Variants in TENM4 observed in about 807,000 individuals in gnomAD.
The protein encoded by TENM4 is teneurin transmembrane protein 4, also known as teneurin-4.
In TENM4, 82 loss-of-function variants were observed where a neutral mutation model predicts 243.3. The ratio of observed to expected loss-of-function variants is 0.34; its 90% CI spans 0.28 to 0.40. TENM4 has a LOEUF of 0.40. Among genes scored for constraint, TENM4 ranks in the 10% least tolerant of loss-of-function variants. TENM4 has a pLI of 1.00. For missense variants in TENM4, 3,138 were observed against 3,673.3 expected, an observed-to-expected ratio of 0.85 and a Z score of 3.77; for synonymous variants, 1,412 against 1,456.3, an observed-to-expected ratio of 0.97 and a Z score of 0.69.
intron 18 of TENM4, among the ~76,000 whole-genome samples, chr11:78,758,418 G>A (rs988683224): frequency 3.3e-5 from 5 of 152,210 alleles, no homozygotes; most frequent in African/African-American, 1.2e-4. Context: ...GCTATGGTAG[G>A]AGGACCATGA....
intron 6 of TENM4, among the ~76,000 whole-genome samples, chr11:78,974,222 A>G (rs1257520364): frequency 6.6e-6 from 1 of 152,204 alleles, no homozygotes; most frequent in Non-Finnish European, 1.5e-5. Flanking sequence ...TACTCACTAC[A>G]TATTACAACC....
chr11:79,416,230 G>A (rs1361662521), intron 1 of TENM4, among the ~76,000 whole-genome samples: 4 of 152,128 alleles, frequency 2.6e-5, no homozygotes, highest in South Asian at 4.1e-4. Context: ...ATCTCAATAC[G>A]CTTTCACTTC....
intron 6 of TENM4, among the ~76,000 whole-genome samples, chr11:78,944,745 G>A (rs1344661253): frequency 6.6e-6 from 1 of 152,156 alleles, no homozygotes; most frequent in Non-Finnish European, 1.5e-5. Context: ...GCTAGGTACT[G>A]GGCTAAGAGC....
intron 6 of TENM4, among the ~76,000 whole-genome samples, chr11:79,019,521 A>G (rs569599285): frequency 2.6e-5 from 4 of 152,182 alleles, no homozygotes; most frequent in Non-Finnish European, 5.9e-5. Flanking sequence ...TCAGGTTTCT[A>G]TTTGAATGTC....
chr11:79,008,136 T>G (rs1484185099), intron 6 of TENM4, among the ~76,000 whole-genome samples: 1 of 152,178 alleles, frequency 6.6e-6, no homozygotes, highest in Non-Finnish European at 1.5e-5. Context: ...CATTAGAGAA[T>G]GTCCCCAGGA....
At chr11:79,323,111 C>T (rs1856918375) in intron 1 of TENM4, among the ~76,000 whole-genome samples, 1 of 152,172 alleles carries the variant, frequency 6.6e-6, no homozygotes, top group Non-Finnish European at 1.5e-5. Flanking sequence ...GTTAATGTTT[C>T]CACAAAGCAC....
chr11:79,342,628 A>T (rs77659262), intron 1 of TENM4, among the ~76,000 whole-genome samples: 2,321 of 152,300 alleles, frequency 0.015, 54 homozygotes, highest in Middle Eastern at 0.024. Context: ...GGGGAGTTCT[A>T]CAAAATCCCA....
At chr11:79,276,898 C>T (rs1242799792) in intron 2 of TENM4, among the ~76,000 whole-genome samples, 2 of 152,130 alleles carry the variant, frequency 1.3e-5, no homozygotes, top group African/African-American at 4.8e-5. Flanking sequence ...GGCAATAACC[C>T]CTTCCCCCAT....
intron 31 of TENM4, among the ~76,000 whole-genome samples, chr11:78,670,867 T>C (rs1858306853): frequency 6.6e-6 from 1 of 152,198 alleles, no homozygotes; most frequent in Admixed American, 6.5e-5. Flanking sequence ...GTGAGCAGCC[T>C]CGTGGGTTTG....
intron 7 of TENM4, among the ~76,000 whole-genome samples, chr11:78,892,102 C>T (rs563531312): frequency 1.4e-4 from 22 of 152,268 alleles, no homozygotes; most frequent in Admixed American, 2.0e-4. Context: ...TGGAGCTCCA[C>T]GGAAGACAAA....
At position 78,760,533 on chromosome 11, in the gene TENM4, A is replaced by G. The variant is rs1029809663; in HGVS notation, c.2540-3512T>C. Among the ~76,000 whole-genome samples, 3 of 152,358 alleles carry G rather than the reference A, an allele frequency of 2.0e-5. No homozygotes were observed. The East Asian group carries it at 5.8e-4, about 29-fold the overall frequency. ...AACTTCCCTTGGATGTCTTGTGACA[A>G]TGAGACAAACATTTTCTAGAGAGGA... On this transcript the variant is annotated intron_variant, in intron 18 of 33. Coordinates refer to ENST00000278550, the MANE Select transcript of TENM4 (RefSeq NM_001098816.3).
intron 30 of TENM4, among the ~76,000 whole-genome samples, chr11:78,675,709 A>G (rs1858450609): frequency 6.6e-6 from 1 of 152,378 alleles, no homozygotes; most frequent in Non-Finnish European, 1.5e-5. Context: ...TGCTAGCAAT[A>G]GTAATAGCAA....
chr11:79,347,818 A>C (rs1393860539), intron 1 of TENM4, among the ~76,000 whole-genome samples: 1 of 123,132 alleles, frequency 8.1e-6, no homozygotes. Context: ...TGTCGCCCAG[A>C]CCGGACTGCG....
At position 78,669,600 on chromosome 11, in the gene TENM4, C is replaced by T. The variant is rs186319631; in HGVS notation, c.6745G>A (p.Gly2249Ser). ...YDIRDRITRL[G>S]DVQYKMDEDG... ...TCATCCATCTTGTATTGCACGTCAC[C>T]CAGCCGAGTGATGCGGTCGCGGATG... is the stretch of plus-strand genomic sequence containing the variant. Residue 2249 changes from glycine to serine, a missense_variant, in exon 32 of 34, where the codon GGT (glycine) becomes AGT (serine). By Grantham distance (56) the Gly-to-Ser change is moderately conservative (BLOSUM62 0). Coordinates refer to ENST00000278550, the MANE Select transcript of TENM4 (RefSeq NM_001098816.3). This position sits in a 1 kb window ranked among gnomAD's most constrained non-coding sequence, Gnocchi z 6.4. The T allele has an allele frequency of 1.0e-4, 162 of 1,613,942 alleles. No homozygotes were observed. The highest frequency in any genetic ancestry group is 1.3e-4 in the Non-Finnish European group (157 of 1,179,888).
At chr11:79,040,707 A>G (rs1859500866) in intron 6 of TENM4, among the ~76,000 whole-genome samples, 1 of 152,154 alleles carries the variant, frequency 6.6e-6, no homozygotes, top group African/African-American at 2.4e-5. Context: ...GCCAAGCTCA[A>G]GGCAAGTCAC....
chr11:78,671,994 G>C, intron 31 of TENM4, 39 bp downstream of exon 31: 2 of 1,580,994 alleles, frequency 1.3e-6, no homozygotes, highest in Non-Finnish European at 1.7e-6. Context: ...TTGGCCTTCT[G>C]TATGGCAAGG....
intron 6 of TENM4, among the ~76,000 whole-genome samples, chr11:78,905,499 G>A (rs1379466693): frequency 6.6e-6 from 1 of 152,180 alleles, no homozygotes; most frequent in Non-Finnish European, 1.5e-5. Flanking sequence ...GCCCACACCT[G>A]GCTTATTAAT....
At chr11:79,203,537 A>C (rs1863789567) in intron 3 of TENM4, among the ~76,000 whole-genome samples, 1 of 152,236 alleles carries the variant, frequency 6.6e-6, no homozygotes, top group Non-Finnish European at 1.5e-5. Flanking sequence ...ATACATATCT[A>C]TAATAAAGTT....
chr11:78,668,765 C>T (rs1026360988), intron 32 of TENM4, among the ~76,000 whole-genome samples, 172 bp downstream of exon 32: 1 of 152,128 alleles, frequency 6.6e-6, no homozygotes, highest in African/African-American at 2.4e-5. Context: ...ACCATTTTTC[C>T]AGAGTATTTT....
Sources: allele counts gnomAD v4.1 joint callset (sites outside exome capture counted in the v4.1 genomes callset), GRCh38; gene constraint gnomAD v4.1.1; non-coding constraint Gnocchi (gnomAD v3.1); transcripts MANE v1.5; gene names NCBI Gene and HGNC (gene_info 2026-07-23, HGNC 2026-07-21).